Variants in WDR7 observed in about 807,000 individuals in gnomAD.
The protein encoded by WDR7 is WD repeat domain 7, also known as WD repeat-containing protein 7.
WDR7 carries 46 observed loss-of-function variants against 169.4 expected under a neutral mutation model. The observed-to-expected ratio is 0.27, with a 90% CI of 0.21 to 0.35. WDR7 has a LOEUF of 0.35. Ranked by LOEUF, WDR7 falls within the 10% of genes least tolerant of loss-of-function variation. The probability of loss-of-function intolerance (pLI) is 1.00; values close to 1 mark genes in which losing one functional copy is unlikely to be tolerated. For missense variants in WDR7, 1,534 were observed against 1,859.3 expected, an observed-to-expected ratio of 0.83 and a Z score of 3.22; for synonymous variants, 612 against 666.8, an observed-to-expected ratio of 0.92 and a Z score of 1.27.
intron 26 of WDR7, among the ~76,000 whole-genome samples, chr18:56,994,375 A>T (rs1401735391): frequency 7.6e-6 from 1 of 131,118 alleles, no homozygotes; most frequent in Non-Finnish European, 1.6e-5. Flanking sequence ...TGTGTTATGT[A>T]TGTTCTGTTG....
chr18:56,853,584 C>T (rs141062571), intron 20 of WDR7, among the ~76,000 whole-genome samples: 1 of 152,290 alleles, frequency 6.6e-6, no homozygotes, highest in Non-Finnish European at 1.5e-5. Flanking sequence ...CGAACCCCTA[C>T]CCAAACCAAG....
At chr18:56,989,176 A>C (rs2047773486) in intron 26 of WDR7, among the ~76,000 whole-genome samples, 1 of 152,014 alleles carries the variant, frequency 6.6e-6, no homozygotes, top group South Asian at 2.1e-4. Flanking sequence ...ATTATTCATT[A>C]GGACTTTCTG....
chr18:57,008,551 C>G (rs1236247967), intron 26 of WDR7, among the ~76,000 whole-genome samples: 1 of 152,194 alleles, frequency 6.6e-6, no homozygotes, highest in African/African-American at 2.4e-5. Flanking sequence ...TTGGACCCCT[C>G]TGAAGTCTTC....
At chr18:56,981,507 C>G (rs1483950482) in intron 26 of WDR7, among the ~76,000 whole-genome samples, 1 of 152,014 alleles carries the variant, frequency 6.6e-6, no homozygotes, top group African/African-American at 2.4e-5. Flanking sequence ...GAAAATAGGG[C>G]TGGGACAAAG....
At position 56,831,271 on chromosome 18, in the gene WDR7, A is replaced by T. The variant is rs374236289; in HGVS notation, c.3304+15127A>T. 4.1e-4 allele frequency among the ~76,000 whole-genome samples: 63 copies of T among 152,264 alleles called. No homozygotes were observed. In the East Asian group the frequency reaches 4.6e-3, roughly 11 times the overall value. The stretch of plus-strand genomic sequence containing the variant: ...CCCTGTGAATGTGTATAGAGTGGGA[A>T]CAGGGTCAGGACTAACAAGAGGGGA... On this transcript the variant is annotated intron_variant, in intron 20 of 27. Coordinates refer to ENST00000254442, the MANE Select transcript of WDR7 (RefSeq NM_015285.3).
chr18:56,958,337 C>T (rs7233547), intron 25 of WDR7, among the ~76,000 whole-genome samples: 15,815 of 152,136 alleles, frequency 0.1, 2,662 homozygotes, highest in African/African-American at 0.35. Flanking sequence ...TAATAGTTAA[C>T]AATGATTGAT....
chr18:56,995,310 G>T (rs2047883291), intron 26 of WDR7, among the ~76,000 whole-genome samples: 1 of 152,146 alleles, frequency 6.6e-6, no homozygotes, highest in Non-Finnish European at 1.5e-5. Context: ...GATATTCCAT[G>T]GCAGAAACAA....
At chr18:56,725,595 C>A (rs927051142) in intron 13 of WDR7, among the ~76,000 whole-genome samples, 1 of 152,150 alleles carries the variant, frequency 6.6e-6, no homozygotes, top group South Asian at 2.1e-4. Flanking sequence ...TTCTCCCATT[C>A]TGTAGGTTGC....
chr18:57,017,211 T>C (rs2048217686), intron 26 of WDR7, among the ~76,000 whole-genome samples: 1 of 152,226 alleles, frequency 6.6e-6, no homozygotes, highest in African/African-American at 2.4e-5. Flanking sequence ...CAGTGAGGGT[T>C]GAAGCACCTC....
At chr18:56,985,907 G>C (rs1177002955) in intron 26 of WDR7, among the ~76,000 whole-genome samples, 1 of 151,978 alleles carries the variant, frequency 6.6e-6, no homozygotes, top group Non-Finnish European at 1.5e-5. Context: ...ATTAACTGCT[G>C]TTACTATAGG....
In WDR7 at chr18:57,029,155, G is replaced by A. The variant is rs2048411135; in HGVS notation, c.*1948G>A. On this transcript the variant is annotated 3_prime_UTR_variant, in exon 28 of 28. Coordinates refer to ENST00000254442, the MANE Select transcript of WDR7 (RefSeq NM_015285.3). ...TTTCTTTAACAAAAATGTTCTGTGT[G>A]TCAGGAAAGAGGTGTGAGAGTGGTA... The A allele has an allele frequency of 6.6e-6, 1 of 152,202 alleles. No individual in the cohort carries two copies. The highest frequency in any genetic ancestry group is 6.5e-5 in the Admixed American group (1 of 15,290). 9.4% of individuals were successfully genotyped at this position (152,202 alleles called of 1,614,324 possible). A position where few individuals can be genotyped will look rare whatever the true frequency, so the allele number is the denominator to read the frequency against.
chr18:56,992,021 G>T lies in WDR7; in HGVS notation c.4165-28724G>T, dbSNP rs78494729. Among the ~76,000 whole-genome samples the T allele has an allele frequency of 2.8e-3, 419 of 152,282 alleles. 14 individuals are homozygous for T. The East Asian group carries it at 0.072, about 26-fold the overall frequency. On this transcript the variant is annotated intron_variant, in intron 26 of 27. Coordinates refer to ENST00000254442, the MANE Select transcript of WDR7 (RefSeq NM_015285.3). Reference sequence around the variant, plus strand: ...TCAATTAAAATAGAAAACGAGTCCTGCTCAGTGTAAAATAACCTCAAGCCC... The same window carrying T: ...TCAATTAAAATAGAAAACGAGTCCTTCTCAGTGTAAAATAACCTCAAGCCC...
chr18:56,871,678 A>G (rs1407940089), intron 20 of WDR7, among the ~76,000 whole-genome samples: 1 of 152,084 alleles, frequency 6.6e-6, no homozygotes, highest in Non-Finnish European at 1.5e-5. Context: ...TTTATACTAA[A>G]TTTAGACAAT....
chr18:56,677,197 T>G (rs2025262699), intron 2 of WDR7, among the ~76,000 whole-genome samples: 1 of 152,208 alleles, frequency 6.6e-6, no homozygotes, highest in Non-Finnish European at 1.5e-5. Context: ...GGCTTTTGTT[T>G]GTCTAGAAAG....
At chr18:56,743,000 A>G (rs11874571) in intron 14 of WDR7, among the ~76,000 whole-genome samples, 5,326 of 152,302 alleles carry the variant, frequency 0.035, 317 homozygotes, top group African/African-American at 0.12. Context: ...GAAAGCCAGT[A>G]TGTAAAACAG....
intron 23 of WDR7, among the ~76,000 whole-genome samples, chr18:56,937,155 A>G (rs79680392): frequency 0.038 from 5,808 of 152,274 alleles, 146 homozygotes; most frequent in African/African-American, 0.068. Flanking sequence ...TAGAATACCC[A>G]TGCTTTGAAT....
chr18:57,035,382 AGTGCT>A, the WDR7 span: 1 of 152,378 alleles, frequency 6.6e-6, no homozygotes, highest in Non-Finnish European at 1.5e-5. Context: ...CCAGGGAAAA[AGTGCT>A]GCCCTGATGT....
chr18:56,862,065 T>G (rs1568235964), intron 20 of WDR7, among the ~76,000 whole-genome samples: 1 of 152,012 alleles, frequency 6.6e-6, no homozygotes, highest in African/African-American at 2.4e-5. Context: ...TTTTTCCAAA[T>G]AAGCCTAAGT....
At chr18:56,798,656 T>G (rs1401104338) in intron 19 of WDR7, among the ~76,000 whole-genome samples, 2 of 152,208 alleles carry the variant, frequency 1.3e-5, no homozygotes, top group Non-Finnish European at 2.9e-5. Context: ...GTAGGTAGTA[T>G]TTTTCTATGT....
Sources: allele counts gnomAD v4.1 joint callset (sites outside exome capture counted in the v4.1 genomes callset), GRCh38; gene constraint gnomAD v4.1.1; transcripts MANE v1.5; gene names NCBI Gene and HGNC (gene_info 2026-07-23, HGNC 2026-07-21).